The following COP1 variants were observed in gnomAD, a reference collection of about 807,000 sequenced individuals.
COP1 encodes the protein COP1 E3 ubiquitin ligase, also known as E3 ubiquitin-protein ligase COP1.
In COP1, 24 loss-of-function variants were observed where a neutral mutation model predicts 101.3. The observed-to-expected ratio is 0.24, with a 90% CI of 0.17 to 0.33. The LOEUF (loss-of-function observed/expected upper bound fraction) is 0.33, where lower values mean the gene tolerates loss of function less well. Ranked by LOEUF, COP1 falls within the 10% of genes least tolerant of loss-of-function variation. The pLI is 1.00. For missense variants in COP1, 663 were observed against 906.2 expected (o/e 0.73, Z 3.45); for synonymous variants, 347 against 341.9 (o/e 1.01, Z -0.17).
intron 6 of COP1, among the ~76,000 whole-genome samples, chr1:176,139,370 T>A (rs1307131670): frequency 6.6e-6 from 1 of 151,758 alleles, no homozygotes; most frequent in African/African-American, 2.4e-5. Flanking sequence ...GGAATGTAAA[T>A]TAGTTCAGCC....
At chr1:176,114,994 AATT>A (rs1233880353) in intron 9 of COP1, among the ~76,000 whole-genome samples, 1 of 152,236 alleles carries the variant, frequency 6.6e-6, no homozygotes, top group African/African-American at 2.4e-5. Flanking sequence ...CCAGAAAAGA[AATT>A]ATACGCATAT....
intron 11 of COP1, among the ~76,000 whole-genome samples, chr1:176,066,471 C>A (rs558885685): frequency 2.0e-4 from 31 of 152,138 alleles, no homozygotes; most frequent in Non-Finnish European, 3.4e-4. Context: ...AAAGACTTTG[C>A]CCATTTTATC....
chr1:176,117,014 A>G (rs1303226847), intron 8 of COP1, among the ~76,000 whole-genome samples: 1 of 152,192 alleles, frequency 6.6e-6, no homozygotes, highest in Non-Finnish European at 1.5e-5. Flanking sequence ...GGAAAAGAAA[A>G]TTTACACTAT....
At chr1:176,170,969 CA>C (rs1228370003) in intron 3 of COP1, among the ~76,000 whole-genome samples, 1 of 151,386 alleles carries the variant, frequency 6.6e-6, no homozygotes. Context: ...ACTAAAAATA[CA>C]AAAAATTAGC....
At chr1:175,966,197 CTAAAA>C (rs1651999117) in intron 18 of COP1, among the ~76,000 whole-genome samples, 2 of 151,798 alleles carry the variant, frequency 1.3e-5, no homozygotes, top group Non-Finnish European at 2.9e-5. Flanking sequence ...GGTCTTTAAA[CTAAAA>C]TGTTAGTTAG....
chr1:175,983,991 A>T (rs1363066431), intron 18 of COP1, among the ~76,000 whole-genome samples: 1 of 152,224 alleles, frequency 6.6e-6, no homozygotes, highest in African/African-American at 2.4e-5. Context: ...GAAACAGAGC[A>T]TCAAAGTTCA....
Position 176,058,358 on chromosome 1 carries a change from G to A in COP1, c.1278-12034C>T, listed in dbSNP as rs528494617. ...AAGGTGGGGAAAAGATTGAGAAATC[G>A]GATGGTTGCTGTGTCTGTGTAGAAA... On this transcript the variant is annotated intron_variant, in intron 11 of 19. Coordinates refer to ENST00000367669, the MANE Select transcript of COP1 (RefSeq NM_022457.7). Among the ~76,000 whole-genome samples, 22 of 152,262 alleles carry A rather than the reference G, an allele frequency of 1.4e-4. No individual in the cohort carries two copies. In the East Asian group the frequency reaches 3.3e-3, roughly 23 times the overall value.
chr1:176,165,665 G>A (rs1055821748), intron 3 of COP1, among the ~76,000 whole-genome samples: 1 of 152,010 alleles, frequency 6.6e-6, no homozygotes, highest in African/African-American at 2.4e-5. Context: ...CAGCCTAGGA[G>A]ATAGAGCTAG....
chr1:175,968,772 TTCA>T (rs1652657122), intron 18 of COP1, among the ~76,000 whole-genome samples: 1 of 152,216 alleles, frequency 6.6e-6, no homozygotes, highest in Non-Finnish European at 1.5e-5. Context: ...AACACATACA[TTCA>T]TCATTCCTTT....
intron 15 of COP1, among the ~76,000 whole-genome samples, chr1:176,007,412 G>A (rs923970619): frequency 6.6e-5 from 10 of 152,238 alleles, no homozygotes; most frequent in African/African-American, 1.9e-4. Flanking sequence ...TGGAGGAAGA[G>A]AGGCACTCTG....
At chr1:176,151,865 G>T (rs1413570544) in intron 5 of COP1, among the ~76,000 whole-genome samples, 1 of 151,692 alleles carries the variant, frequency 6.6e-6, no homozygotes, top group Non-Finnish European at 1.5e-5. Context: ...GGTCCTTACA[G>T]GTTTAGTTAG....
Position 176,016,563 on chromosome 1 carries a change from G to GTC in COP1, c.1729+11007_1729+11008dup, listed in dbSNP as rs1269671747. On this transcript the variant is annotated intron_variant, in intron 15 of 19. Transcript: ENST00000367669. ...GAGGAGCTCTTTCTTCTCCTTCTCT[G>GTC]TCTCTCTCTCTTTCCCTCCCTCTCT... is the stretch of plus-strand genomic sequence containing the variant. 3.3e-5 allele frequency among the ~76,000 whole-genome samples: 5 copies of GTC among 152,186 alleles called. No individual in the cohort carries two copies. The South Asian group carries it at 8.3e-4, about 25-fold the overall frequency.
chr1:175,992,427 C>A (rs1014405777), intron 15 of COP1, among the ~76,000 whole-genome samples: 1 of 152,156 alleles, frequency 6.6e-6, no homozygotes, highest in Non-Finnish European at 1.5e-5. Context: ...CGTGCGCGAG[C>A]CAAAGCAGGG....
chr1:175,975,235 C>T (rs950419440), intron 18 of COP1, among the ~76,000 whole-genome samples: 5 of 151,994 alleles, frequency 3.3e-5, no homozygotes, highest in African/African-American at 1.2e-4. Flanking sequence ...ATAAATATAC[C>T]TTTAAACAAT....
At chr1:176,075,141 A>G (rs1372686074) in intron 11 of COP1, among the ~76,000 whole-genome samples, 1 of 152,178 alleles carries the variant, frequency 6.6e-6, no homozygotes, top group East Asian at 1.9e-4. Context: ...TACGTTATCA[A>G]TGATTTTTTG....
intron 18 of COP1, among the ~76,000 whole-genome samples, chr1:175,963,930 T>G (rs1651688376): frequency 6.6e-6 from 1 of 152,196 alleles, no homozygotes; most frequent in South Asian, 2.1e-4. Flanking sequence ...GCACAATATT[T>G]GATGAACTAA....
intron 8 of COP1, among the ~76,000 whole-genome samples, chr1:176,133,290 A>G (rs1246323871): frequency 6.6e-6 from 1 of 151,380 alleles, no homozygotes; most frequent in Non-Finnish European, 1.5e-5. Flanking sequence ...GTATGTACAC[A>G]TATATATGTG....
At chr1:176,114,300 C>CA (rs1276064957) in intron 9 of COP1, among the ~76,000 whole-genome samples, 1 of 151,694 alleles carries the variant, frequency 6.6e-6, no homozygotes, top group Non-Finnish European at 1.5e-5. Context: ...AAACTTACTA[C>CA]AAAAAAAGAA....
intron 11 of COP1, among the ~76,000 whole-genome samples, chr1:176,064,662 CT>C (rs1370037676): frequency 1.7e-4 from 26 of 151,370 alleles, no homozygotes; most frequent in Admixed American, 1.6e-3. Flanking sequence ...CGTTTTCTTT[CT>C]TTTTTTTTGA....
Sources: allele counts gnomAD v4.1 joint callset (sites outside exome capture counted in the v4.1 genomes callset), GRCh38; gene constraint gnomAD v4.1.1; transcripts MANE v1.5; gene names NCBI Gene and HGNC (gene_info 2026-07-23, HGNC 2026-07-21).